NTNG1: variants seen among roughly 807,000 people sequenced by gnomAD.
NTNG1 encodes netrin-G1.
Under a neutral mutation model 54.0 loss-of-function variants are expected in NTNG1, and 16 were observed. The observed-to-expected ratio is 0.30, with a 90% CI of 0.20 to 0.45. NTNG1 has a LOEUF of 0.45. NTNG1 is among the 20% of genes least tolerant of loss of function. NTNG1 has a pLI of 1.00. For synonymous variants in NTNG1, 255 were observed against 263.1 expected, an observed-to-expected ratio of 0.97 and a Z score of 0.30; for missense variants, 530 against 678.7, an observed-to-expected ratio of 0.78 and a Z score of 2.43.
intron 2 of NTNG1, among the ~76,000 whole-genome samples, chr1:107,282,439 C>T (rs1353544939): frequency 6.6e-6 from 1 of 152,030 alleles, no homozygotes; most frequent in Non-Finnish European, 1.5e-5. Flanking sequence ...TCATGAGGCC[C>T]TCCAGAATTT....
intron 3 of NTNG1, among the ~76,000 whole-genome samples, chr1:107,357,740 C>T (rs1557929625): frequency 6.6e-6 from 1 of 151,974 alleles, no homozygotes; most frequent in Non-Finnish European, 1.5e-5. Context: ...ATTCGTTTTT[C>T]ACAATGACAG....
intron 3 of NTNG1, among the ~76,000 whole-genome samples, chr1:107,388,657 A>C (rs1672174401): frequency 6.6e-6 from 1 of 152,206 alleles, no homozygotes; most frequent in African/African-American, 2.4e-5. Flanking sequence ...TTGTTAAGTT[A>C]CTTATCCTGG....
At chr1:107,446,313 A>G (rs1345828347) in intron 7 of NTNG1, among the ~76,000 whole-genome samples, 3 of 152,088 alleles carry the variant, frequency 2.0e-5, no homozygotes, top group Non-Finnish European at 4.4e-5. Flanking sequence ...AGCTGAGCCA[A>G]TTTAGCATCA....
intron 2 of NTNG1, among the ~76,000 whole-genome samples, chr1:107,313,401 T>C (rs1184012414): frequency 6.6e-6 from 1 of 151,828 alleles, no homozygotes; most frequent in African/African-American, 2.4e-5. Context: ...TATGTTGAGT[T>C]TGAAATTCTT....
intron 2 of NTNG1, among the ~76,000 whole-genome samples, chr1:107,194,882 C>T (rs766025029): frequency 2.6e-5 from 4 of 151,796 alleles, no homozygotes; most frequent in African/African-American, 4.8e-5. Context: ...CAGATTTTAT[C>T]GTTTGACCTG....
intron 3 of NTNG1, among the ~76,000 whole-genome samples, chr1:107,366,984 C>T (rs1356426105): frequency 6.6e-6 from 1 of 151,910 alleles, no homozygotes; most frequent in African/African-American, 2.4e-5. Flanking sequence ...ATATTACTTG[C>T]TTGATCTATT....
chr1:107,214,387 G>A (rs532490380), intron 2 of NTNG1, among the ~76,000 whole-genome samples: 2 of 152,240 alleles, frequency 1.3e-5, no homozygotes, highest in South Asian at 4.1e-4. Flanking sequence ...TTCCATTCCT[G>A]AGTTGCTTCA....
At chr1:107,200,865 T>TCCTAAGC (rs1156397791) in intron 2 of NTNG1, among the ~76,000 whole-genome samples, 2 of 151,826 alleles carry the variant, frequency 1.3e-5, no homozygotes, top group African/African-American at 4.8e-5. Context: ...GTAAGTATAT[T>TCCTAAGC]TTTCTTAGGA....
chr1:107,282,411 A>G (rs1664924388), intron 2 of NTNG1, among the ~76,000 whole-genome samples: 1 of 152,090 alleles, frequency 6.6e-6, no homozygotes, highest in African/African-American at 2.4e-5. Context: ...AATTTACTAT[A>G]TCAATATTTG....
At chr1:107,142,289 A>G (rs924657595) in intron 1 of NTNG1, among the ~76,000 whole-genome samples, 1 of 149,258 alleles carries the variant, frequency 6.7e-6, no homozygotes, top group Non-Finnish European at 1.5e-5. Flanking sequence ...TGTTAATTTT[A>G]GTACCCTCAC....
chr1:107,196,281 A>T (rs1467199429), intron 2 of NTNG1, among the ~76,000 whole-genome samples: 2 of 151,960 alleles, frequency 1.3e-5, no homozygotes, highest in Non-Finnish European at 2.9e-5. Context: ...TGGGCAATTT[A>T]CCTAGGCTCT....
At chr1:107,458,587 G>A (rs1677090786) in intron 7 of NTNG1, among the ~76,000 whole-genome samples, 1 of 152,104 alleles carries the variant, frequency 6.6e-6, no homozygotes, top group Non-Finnish European at 1.5e-5. Context: ...CCTTTTTAAA[G>A]TCCTGCAAAT....
intron 2 of NTNG1, among the ~76,000 whole-genome samples, chr1:107,294,596 G>A (rs1012365293): frequency 6.6e-6 from 1 of 152,066 alleles, no homozygotes; most frequent in African/African-American, 2.4e-5. Flanking sequence ...CAGTAAGGGG[G>A]TATATTTTTA....
chr1:107,329,766 T>G (rs1668171043), intron 3 of NTNG1, among the ~76,000 whole-genome samples: 1 of 152,130 alleles, frequency 6.6e-6, no homozygotes, highest in African/African-American at 2.4e-5. Flanking sequence ...TCTTCCTTTC[T>G]GTCATCCATA....
At chr1:107,356,926 C>T (rs923151789) in intron 3 of NTNG1, among the ~76,000 whole-genome samples, 6 of 151,974 alleles carry the variant, frequency 3.9e-5, no homozygotes, top group African/African-American at 1.4e-4. Flanking sequence ...TCTCCTGAAC[C>T]CAGGAGGTGG....
intron 2 of NTNG1, among the ~76,000 whole-genome samples, chr1:107,202,566 T>C (rs1658839136): frequency 6.6e-6 from 1 of 151,868 alleles, no homozygotes; most frequent in African/African-American, 2.4e-5. Context: ...TGACTCACTG[T>C]AGAAAAACTT....
chr1:107,281,942 A>G (rs1664890031), intron 2 of NTNG1, among the ~76,000 whole-genome samples: 1 of 152,190 alleles, frequency 6.6e-6, no homozygotes, highest in Non-Finnish European at 1.5e-5. Flanking sequence ...GATCAGCACT[A>G]GTCCTCAGTT....
intron 2 of NTNG1, among the ~76,000 whole-genome samples, chr1:107,226,293 C>A (rs1247333213): frequency 2.0e-5 from 3 of 152,134 alleles, no homozygotes; most frequent in South Asian, 2.1e-4. Flanking sequence ...AAATGCAATG[C>A]ACTATTTTAG....
At chr1:107,387,798 A>G (rs901501700) in intron 3 of NTNG1, among the ~76,000 whole-genome samples, 4 of 152,170 alleles carry the variant, frequency 2.6e-5, no homozygotes, top group African/African-American at 9.7e-5. Flanking sequence ...GATAATGAGG[A>G]TGAGGTGAAA....
Sources: gnomAD v4.1 joint callset for allele counts (sites outside exome capture counted in the v4.1 genomes callset) on GRCh38, gnomAD v4.1.1 for gene constraint, MANE v1.5 for transcripts, NCBI Gene and HGNC (gene_info 2026-07-23, HGNC 2026-07-21) for gene names.